The following PTPRG variants were observed in gnomAD, a reference collection of about 807,000 sequenced individuals.
The protein encoded by PTPRG is receptor-type tyrosine-protein phosphatase gamma.
A neutral mutation model predicts 165.3 loss-of-function variants in PTPRG; 102 were observed. That is an observed-to-expected ratio of 0.62 (90% CI 0.53 to 0.73). PTPRG has a LOEUF of 0.73. PTPRG is among the 30% of genes least tolerant of loss of function. The pLI, the probability that PTPRG is intolerant of heterozygous loss-of-function variation, is 0.00. For synonymous variants in PTPRG, 675 were observed against 669.5 expected (o/e 1.01, Z -0.13); for missense variants, 1,866 against 1,861.4 (o/e 1.00, Z -0.05).
At chr3:62,017,439 G>A (rs956418891) in intron 4 of PTPRG, among the ~76,000 whole-genome samples, 49 of 150,828 alleles carry the variant, frequency 3.2e-4, no homozygotes, top group Admixed American at 9.2e-4. Flanking sequence ...TTTTTGAGGC[G>A]GAGTCTCGCT....
chr3:61,581,063 T>C (rs1158889488), intron 1 of PTPRG, among the ~76,000 whole-genome samples: 2 of 152,216 alleles, frequency 1.3e-5, no homozygotes, highest in Non-Finnish European at 2.9e-5. Flanking sequence ...CTGATGTTTT[T>C]CTCAATGGTA....
At chr3:61,887,119 CATGCATATATATAT>C (rs1192844233) in intron 2 of PTPRG, among the ~76,000 whole-genome samples, 2,530 of 103,334 alleles carry the variant, frequency 0.024, 213 homozygotes, top group African/African-American at 0.055. Context: ...ATAACCATAG[CATGCATATATATAT>C]ATATATATAT....
intron 4 of PTPRG, among the ~76,000 whole-genome samples, chr3:62,054,450 C>T (rs1362148961): frequency 6.6e-6 from 1 of 152,160 alleles, no homozygotes; most frequent in African/African-American, 2.4e-5. Context: ...GTCTGAGTAG[C>T]TTGCTGTTTT....
At position 62,217,210 on chromosome 3, in the gene PTPRG, T is replaced by C. The variant is rs1000046364; in HGVS notation, c.2156-1641T>C. 2.0e-5 allele frequency among the ~76,000 whole-genome samples: 3 copies of C among 152,178 alleles called. No homozygotes were observed. Among genetic ancestry groups the C allele is most frequent in the Non-Finnish European group, 4.4e-5 (3 of 68,036 alleles). On this transcript the variant is annotated intron_variant, in intron 12 of 29. Coordinates refer to ENST00000474889, the MANE Select transcript of PTPRG (RefSeq NM_002841.4). The surrounding 1 kb of genome is among the most constrained non-coding windows in gnomAD (Gnocchi z 4.3). ...AGTTAGGAAAATGGGCAGGCACAGC[T>C]AGGAAGGCACTTTATAAATGGCAAA...
chr3:62,293,266 G>A lies in PTPRG; in HGVS notation c.4297G>A (p.Asp1433Asn). ...VDKNGAVLIA[D>N]ESDPAESMES... ...CAAAAATGGTGCTGTTCTTATTGCA[G>A]ATGAATCAGACCCTGCTGAGAGCAT... Residue 1433 changes from aspartate (D) to asparagine (N), a missense_variant, in exon 30 of 30, where the codon GAT becomes AAT. This residue lies in a region of PTPRG where 1,452 missense variants were observed against 1,463.0 expected (regional missense o/e 0.99). Transcript: ENST00000474889. 1 of 1,609,906 alleles carries A rather than the reference G, an allele frequency of 6.2e-7. No homozygotes were observed. Among genetic ancestry groups the A allele is most frequent in the Non-Finnish European group, 8.5e-7 (1 of 1,178,610 alleles).
chr3:61,606,371 T>C (rs72890413), intron 1 of PTPRG, among the ~76,000 whole-genome samples: 7,362 of 152,278 alleles, frequency 0.048, 222 homozygotes, highest in Middle Eastern at 0.065. Context: ...GTCTCTGCTA[T>C]TTGTAGTCTC....
intron 2 of PTPRG, among the ~76,000 whole-genome samples, chr3:61,792,843 C>A (rs557041485): frequency 2.0e-5 from 3 of 152,004 alleles, no homozygotes; most frequent in Non-Finnish European, 4.4e-5. Flanking sequence ...ATTCCCTTGC[C>A]TCAGCCTCCC....
intron 1 of PTPRG, among the ~76,000 whole-genome samples, chr3:61,603,107 C>T (rs1700912015): frequency 6.6e-6 from 1 of 152,142 alleles, no homozygotes; most frequent in Admixed American, 6.5e-5. Context: ...TGGAAATCAG[C>T]AAACACTATA....
chr3:62,118,834 C>A (rs577286248), intron 5 of PTPRG, among the ~76,000 whole-genome samples: 2 of 152,166 alleles, frequency 1.3e-5, no homozygotes, highest in Non-Finnish European at 2.9e-5. Flanking sequence ...CCTCAGGTCA[C>A]ACAGCCAAGA....
intron 2 of PTPRG, among the ~76,000 whole-genome samples, chr3:61,969,520 G>A (rs1477148158): frequency 6.6e-6 from 1 of 152,228 alleles, no homozygotes; most frequent in Non-Finnish European, 1.5e-5. Flanking sequence ...TATTAAAGAA[G>A]TTGGAGAAGA....
chr3:62,080,928 A>G (rs1349811192), intron 5 of PTPRG, among the ~76,000 whole-genome samples: 1 of 152,182 alleles, frequency 6.6e-6, no homozygotes, highest in African/African-American at 2.4e-5. Context: ...TTGCTATCCT[A>G]AAGACACAAA....
At position 62,214,479 on chromosome 3, in the gene PTPRG, G is replaced by A. The variant is rs1416231459; in HGVS notation, c.2156-4372G>A. Among the ~76,000 whole-genome samples, 1 of 152,192 alleles carries A rather than the reference G, an allele frequency of 6.6e-6. No homozygotes were observed. Among genetic ancestry groups the A allele is most frequent in the Non-Finnish European group, 1.5e-5 (1 of 68,034 alleles). The stretch of plus-strand genomic sequence containing the variant: ...AATATTATTACTTCCATTTACAGAG[G>A]AGGAGACTGAGGCACAACGAGGTTA... On this transcript the variant is annotated intron_variant, in intron 12 of 29. Transcript: ENST00000474889. This position sits in a 1 kb window ranked among gnomAD's most constrained non-coding sequence, Gnocchi z 5.2.
At chr3:62,278,987 T>C (rs1702332313) in intron 26 of PTPRG, among the ~76,000 whole-genome samples, 1 of 152,008 alleles carries the variant, frequency 6.6e-6, no homozygotes, top group African/African-American at 2.4e-5. Context: ...AGTGGATACA[T>C]GTTCTGCAGA....
At chr3:62,127,797 CAT>C (rs1330106162) in intron 5 of PTPRG, among the ~76,000 whole-genome samples, 1 of 152,196 alleles carries the variant, frequency 6.6e-6, no homozygotes, top group African/African-American at 2.4e-5. Context: ...AACGCAGGCA[CAT>C]GTCGTCTGAT....
intron 4 of PTPRG, among the ~76,000 whole-genome samples, chr3:62,064,248 G>C (rs1324765213): frequency 6.6e-6 from 1 of 152,100 alleles, no homozygotes; most frequent in Non-Finnish European, 1.5e-5. Flanking sequence ...ACTACTGTTA[G>C]TTTGTGCTGT....
At chr3:62,052,139 T>C (rs1476886428) in intron 4 of PTPRG, among the ~76,000 whole-genome samples, 1 of 152,208 alleles carries the variant, frequency 6.6e-6, no homozygotes, top group Non-Finnish European at 1.5e-5. Context: ...CTTCTCTCAT[T>C]AACCATAAGT....
At chr3:61,609,891 C>CA (rs773132104) in intron 1 of PTPRG, among the ~76,000 whole-genome samples, 4 of 151,956 alleles carry the variant, frequency 2.6e-5, no homozygotes, top group Admixed American at 2.0e-4. Flanking sequence ...TTATTTCTAT[C>CA]AATTTACACA....
chr3:62,095,313 A>G (rs1367947866), intron 5 of PTPRG, among the ~76,000 whole-genome samples: 1 of 152,210 alleles, frequency 6.6e-6, no homozygotes, highest in African/African-American at 2.4e-5. Flanking sequence ...AAGAATGTCT[A>G]CAAGGAGATT....
Position 62,254,816 on chromosome 3 carries a change from TTTAG to T in PTPRG, c.2468-304_2468-301del. 6.6e-6 allele frequency among the ~76,000 whole-genome samples: 1 copy of T among 151,892 alleles called. No homozygotes were observed. The highest frequency in any genetic ancestry group is 1.5e-5 in the Non-Finnish European group (1 of 67,984). The stretch of plus-strand genomic sequence containing the variant: ...TGGGTACCCTTGATAAATTCACACT[TTTAG>T]TTAAGAGTATGCTATGGTAATTTAA... On this transcript the variant is annotated intron_variant, in intron 15 of 29. Transcript: ENST00000474889. This position sits in a 1 kb window ranked among gnomAD's most constrained non-coding sequence, Gnocchi z 4.6.
Sources: allele counts gnomAD v4.1 joint callset (sites outside exome capture counted in the v4.1 genomes callset), GRCh38; gene constraint gnomAD v4.1.1; regional missense constraint gnomAD v4.1.1; non-coding constraint Gnocchi (gnomAD v3.1); transcripts MANE v1.5; gene names NCBI Gene and HGNC (gene_info 2026-07-23, HGNC 2026-07-21).